Variants in EP400 observed in about 807,000 individuals in gnomAD.
EP400 encodes E1A-binding protein p400.
EP400 carries 105 observed loss-of-function variants against 354.1 expected under a neutral mutation model. The observed-to-expected ratio is 0.30, with a 90% CI of 0.25 to 0.35. The LOEUF (loss-of-function observed/expected upper bound fraction) is 0.35, where lower values mean the gene tolerates loss of function less well. EP400 is among the 10% of genes least tolerant of loss of function. EP400 has a pLI of 1.00. For missense variants in EP400, 3,280 were observed against 4,121.0 expected (o/e 0.80, Z 5.59); for synonymous variants, 1,646 against 1,716.9 (o/e 0.96, Z 1.02).
rs373862004 is a variant in EP400 at position 132,028,308 on chromosome 12, C to G, written c.5381+20C>G. On this transcript the variant is annotated intron_variant, in intron 27 of 52. Coordinates refer to ENST00000389561, the MANE Select transcript of EP400 (RefSeq NM_015409.5). ...TGACAGGTACTGCAGACCTCGTGAC[C>G]TTTTCGGTGCTCTCTGGCTGCATTG... 3.1e-6 allele frequency: 5 copies of G among 1,604,002 alleles called. No individual in the cohort carries two copies. The highest frequency in any genetic ancestry group is 3.4e-6 in the Non-Finnish European group (4 of 1,171,476).
intron 2 of EP400, among the ~76,000 whole-genome samples, chr12:131,972,617 C>T (rs545005588): frequency 1.3e-5 from 2 of 151,284 alleles, no homozygotes; most frequent in East Asian, 3.9e-4. Flanking sequence ...GACAGGCACG[C>T]ATTTATTTAT....
intron 2 of EP400, among the ~76,000 whole-genome samples, chr12:131,967,035 G>A (rs1042941747): frequency 7.3e-5 from 11 of 151,678 alleles, no homozygotes; most frequent in African/African-American, 2.7e-4. Context: ...GGACATGCCA[G>A]TGCACTCCAT....
rs1483288354 is a variant in EP400 at position 131,960,778 on chromosome 12, T to G, written c.159T>G (p.Ser53=). 1 of 1,452,538 alleles carries G rather than the reference T, an allele frequency of 6.9e-7. No homozygotes were observed. Among genetic ancestry groups the G allele is most frequent in the South Asian group, 1.1e-5 (1 of 88,868 alleles). 90.0% of individuals were successfully genotyped at this position (1,452,538 alleles called of 1,614,324 possible). ...CAGCAAGCCCGTCGGCACCCCAGTC[T>G]CCCAGTTATCAAATACAGCAGCTGA... is the stretch of plus-strand genomic sequence containing the variant. The part of the protein sequence containing the change: ...APSASPSAPQ[S]PSYQIQQLMN... Residue 53 remains serine, a synonymous_variant, in exon 2 of 53, where the codon TCT becomes TCG. Coordinates refer to ENST00000389561, the MANE Select transcript of EP400 (RefSeq NM_015409.5).
At chr12:132,048,519 A>AT (rs35268260) in intron 39 of EP400, among the ~76,000 whole-genome samples, 49,468 of 133,608 alleles carry the variant, frequency 0.37, 9,427 homozygotes, top group African/African-American at 0.42. Context: ...TTTGAGAGTG[A>AT]TTTTTTTTTT....
At chr12:131,979,639 A>G in intron 2 of EP400, 55 bp from the exon 3 acceptor site, 1 of 1,487,680 alleles carries the variant, frequency 6.7e-7, no homozygotes, top group Non-Finnish European at 9.1e-7. Flanking sequence ...ATTTGAGTTT[A>G]TTCTTGTAAT....
At chr12:132,019,949 G>C (rs1192572882) in intron 21 of EP400, 100 bp from the exon 22 acceptor site, 5 of 1,289,886 alleles carry the variant, frequency 3.9e-6, no homozygotes, top group Non-Finnish European at 5.2e-6. Context: ...CCCTGAGCTG[G>C]CTTCCTATGG....
Position 131,990,570 on chromosome 12 carries a change from G to A in EP400, c.2551-66G>A, listed in dbSNP as rs573629252. ...CTCTGCTTATGTGCTTTAGTGTTTT[G>A]TATGCAGAACGTCTGTAATTCCCAT... On this transcript the variant is annotated intron_variant, in intron 8 of 52. Coordinates refer to ENST00000389561, the MANE Select transcript of EP400 (RefSeq NM_015409.5). This position sits in a 1 kb window ranked among gnomAD's most constrained non-coding sequence, Gnocchi z 4.2. The A allele has an allele frequency of 8.3e-7, 1 of 1,208,308 alleles. No homozygotes were observed. The highest frequency in any genetic ancestry group is 1.2e-6 in the Non-Finnish European group (1 of 836,860). The allele number at this position is 1,208,308 out of a possible 1,614,324, so 74.8% of individuals were successfully genotyped here. A position where few individuals can be genotyped will look rare whatever the true frequency, so the allele number is the denominator to read the frequency against.
Position 131,986,639 on chromosome 12 carries a change from C to A in EP400, c.2055C>A (p.Ser685=). Residue 685 remains serine (S), a synonymous_variant, in exon 6 of 53, where the codon TCC becomes TCA. Transcript: ENST00000389561. ...GCCCAGGACCCTCCCCTGCTCGATC[C>A]TCTCCAGTAAATAGACCTTCCTCAG... ...GSGPGPSPAR[S]SPVNRPSSAT... 6.2e-7 allele frequency: 1 copy of A among 1,614,136 alleles called. No individual in the cohort carries two copies. Among genetic ancestry groups the A allele is most frequent in the Non-Finnish European group, 8.5e-7 (1 of 1,180,028 alleles).
chr12:131,996,303 T>TTTTTTTG, intron 12 of EP400, among the ~76,000 whole-genome samples: 1 of 149,920 alleles, frequency 6.7e-6, no homozygotes, highest in African/African-American at 2.5e-5. Context: ...CTCTTTTTTT[T>TTTTTTTG]TTTTTTTTGA....
chr12:131,982,969 CA>C (rs57882341), intron 5 of EP400, among the ~76,000 whole-genome samples: 14,711 of 112,282 alleles, frequency 0.13, 1,389 homozygotes, highest in African/African-American at 0.28. Flanking sequence ...GACTCTGTCT[CA>C]AAAAAAAAAA....
chr12:131,975,107 G>A (rs1163560210), intron 2 of EP400, among the ~76,000 whole-genome samples: 1 of 152,008 alleles, frequency 6.6e-6, no homozygotes, highest in Non-Finnish European at 1.5e-5. Context: ...CGTGCCTGGA[G>A]GAGTTCCTGT....
intron 7 of EP400, among the ~76,000 whole-genome samples, chr12:131,988,961 G>A (rs1362571528): frequency 6.6e-6 from 1 of 152,160 alleles, no homozygotes; most frequent in Non-Finnish European, 1.5e-5. Flanking sequence ...GAGGGTCAAG[G>A]GTCTCAAGTC....
intron 1 of EP400, among the ~76,000 whole-genome samples, chr12:131,958,716 T>C (rs1242795091): frequency 1.3e-5 from 2 of 152,188 alleles, no homozygotes; most frequent in African/African-American, 2.4e-5. Flanking sequence ...AGATGGGGTC[T>C]CACTATGTTG....
chr12:132,050,557 T>A lies in EP400; in HGVS notation c.7338-42T>A. 1 of 1,613,750 alleles carries A rather than the reference T, an allele frequency of 6.2e-7. No individual in the cohort carries two copies. Among genetic ancestry groups the A allele is most frequent in the South Asian group, 1.1e-5 (1 of 91,062 alleles). ...TTTTAACATACCCTTCTTCAGATAT[T>A]TCCTTTATTTAATAATTGCTGTCTC... On this transcript the variant is annotated intron_variant, in intron 40 of 52. Coordinates refer to ENST00000389561, the MANE Select transcript of EP400 (RefSeq NM_015409.5). The surrounding 1 kb of genome is among the most constrained non-coding windows in gnomAD (Gnocchi z 4.8).
chr12:131,991,330 A>G, intron 9 of EP400, 77 bp from the exon 10 acceptor site: 1 of 1,467,176 alleles, frequency 6.8e-7, no homozygotes, highest in Non-Finnish European at 9.6e-7. Flanking sequence ...AGGCAGCAGG[A>G]CCCTGCCTGG....
chr12:131,972,404 C>T (rs1022116323), intron 2 of EP400, among the ~76,000 whole-genome samples: 8 of 152,064 alleles, frequency 5.3e-5, no homozygotes, highest in East Asian at 3.9e-4. Context: ...CCGCCCTCCT[C>T]GGCCTCCCAA....
intron 1 of EP400, among the ~76,000 whole-genome samples, 163 bp downstream of exon 1, chr12:131,950,199 C>T (rs1379977480): frequency 6.6e-6 from 1 of 151,952 alleles, no homozygotes; most frequent in Non-Finnish European, 1.5e-5. Flanking sequence ...CGTGAGCGAC[C>T]CCGGGCGGGC....
intron 51 of EP400, among the ~76,000 whole-genome samples, chr12:132,073,459 C>CTTTTTTTTTTTTTTTCTTTTTTTTTTTTT (rs58724167): frequency 8.5e-6 from 1 of 117,730 alleles, no homozygotes; most frequent in African/African-American, 4.4e-5. Flanking sequence ...GTCCCTTTTC[C>CTTTTTTTTTTTTTTTCTTTTTTTTTTTTT]TTTTTTTTTT....
rs1240714940 is a variant in EP400, at chr12:132,075,815, G to C, written c.9022-701G>C. On this transcript the variant is annotated intron_variant, in intron 51 of 52. Transcript: ENST00000389561. This position sits in a 1 kb window ranked among gnomAD's most constrained non-coding sequence, Gnocchi z 4.5. ...AGGGTCCGTGAGGGCCTTGTGCAGG[G>C]AGGGCCCTTGAAATCAGGGCCCCCA... The C allele has an allele frequency of 6.5e-6, 1 of 153,636 alleles. No individual in the cohort carries two copies. The highest frequency in any genetic ancestry group is 1.4e-5 in the Non-Finnish European group (1 of 69,006). 9.5% of individuals were successfully genotyped at this position (153,636 alleles called of 1,614,324 possible).
Sources: gnomAD v4.1 joint callset for allele counts (sites outside exome capture counted in the v4.1 genomes callset) on GRCh38, gnomAD v4.1.1 for gene constraint, Gnocchi (gnomAD v3.1) non-coding constraint, MANE v1.5 for transcripts, NCBI Gene and HGNC (gene_info 2026-07-23, HGNC 2026-07-21) for gene names.